The following SLC5A10 variants were observed in gnomAD, a reference collection of about 807,000 sequenced individuals.
SLC5A10 encodes the protein sodium/mannose cotransporter SLC5A10.
SLC5A10 carries 55 observed loss-of-function variants against 68.9 expected under a neutral mutation model. The observed-to-expected ratio is 0.80, with a 90% CI of 0.64 to 1.00. SLC5A10 has a LOEUF of 1.00. Among genes scored for constraint, SLC5A10 ranks in the 50% least tolerant of loss-of-function variants. The probability of loss-of-function intolerance (pLI) is 0.00; values close to 1 mark genes in which losing one functional copy is unlikely to be tolerated. For missense variants in SLC5A10, 732 were observed against 819.3 expected (o/e 0.89, Z 1.30); for synonymous variants, 344 against 344.8 (o/e 1.00, Z 0.02).
chr17:18,967,385 A>C (rs116404157), intron 5 of SLC5A10, among the ~76,000 whole-genome samples: 1,926 of 152,206 alleles, frequency 0.013, 35 homozygotes, highest in African/African-American at 0.043. Flanking sequence ...GCGAATGAAC[A>C]ATGTACTCGA....
chr17:19,016,530 T>G lies in SLC5A10; in HGVS notation c.1241+1331T>G, dbSNP rs577081624. On this transcript the variant is annotated intron_variant, in intron 11 of 14. Transcript: ENST00000395645. ...CCTGGCCAGGAGCCCAGGGCACCCATCCTGGGGGTGGGGTCTCCTCCAGAG... is the reference window on the plus strand; with the variant it reads ...CCTGGCCAGGAGCCCAGGGCACCCAGCCTGGGGGTGGGGTCTCCTCCAGAG... 1.7e-3 allele frequency among the ~76,000 whole-genome samples: 257 copies of G among 152,244 alleles called. 1 individual carries two copies. Among genetic ancestry groups the G allele is most frequent in the Non-Finnish European group, 1.9e-3 (126 of 67,992 alleles).
At chr17:19,013,268 C>A (rs2044054899) in intron 9 of SLC5A10, 142 bp from the exon 10 acceptor site, 5 of 1,379,392 alleles carry the variant, frequency 3.6e-6, no homozygotes, top group Non-Finnish European at 4.9e-6. Context: ...GATTGTGAAA[C>A]TGAGGCCCAA....
At chr17:18,956,456 T>A (rs1302691400) in intron 1 of SLC5A10, among the ~76,000 whole-genome samples, 2 of 149,326 alleles carry the variant, frequency 1.3e-5, no homozygotes, top group Non-Finnish European at 3.0e-5. Flanking sequence ...TTTTTTCTTT[T>A]TTCTTTCTGT....
intron 5 of SLC5A10, among the ~76,000 whole-genome samples, chr17:18,960,942 G>C (rs1402912628): frequency 2.6e-5 from 4 of 152,212 alleles, no homozygotes; most frequent in Middle Eastern, 3.4e-3. Flanking sequence ...GACGGTTCTC[G>C]GTCTGAGGTC....
At chr17:18,998,017 C>T (rs2043612043) in intron 9 of SLC5A10, among the ~76,000 whole-genome samples, 1 of 152,250 alleles carries the variant, frequency 6.6e-6, no homozygotes, top group South Asian at 2.1e-4. Context: ...AAAGATAACA[C>T]CAGAGCTGGG....
chr17:18,967,337 T>C (rs1353016507), intron 5 of SLC5A10, among the ~76,000 whole-genome samples: 1 of 151,692 alleles, frequency 6.6e-6, no homozygotes, highest in South Asian at 2.1e-4. Flanking sequence ...CCTGCCACCG[T>C]GGAAGGAAGG....
intron 8 of SLC5A10, among the ~76,000 whole-genome samples, chr17:18,974,081 C>T (rs1411829294): frequency 3.9e-5 from 6 of 152,008 alleles, no homozygotes; most frequent in East Asian, 1.9e-4. Context: ...TTAATAGAGA[C>T]GGGGTTTCAC....
intron 1 of SLC5A10, among the ~76,000 whole-genome samples, chr17:18,954,883 C>T (rs1272451526): frequency 2.6e-5 from 4 of 151,870 alleles, no homozygotes; most frequent in Non-Finnish European, 5.9e-5. Flanking sequence ...CCAGCCTGGC[C>T]AGCATGGTGA....
At chr17:18,998,073 C>T (rs1381211150) in intron 9 of SLC5A10, among the ~76,000 whole-genome samples, 2 of 152,240 alleles carry the variant, frequency 1.3e-5, no homozygotes, top group East Asian at 3.8e-4. Flanking sequence ...CTTCCCACCA[C>T]CCCACATGGC....
intron 8 of SLC5A10, among the ~76,000 whole-genome samples, chr17:18,974,180 C>T (rs971440385): frequency 1.6e-4 from 24 of 152,066 alleles, no homozygotes; most frequent in Non-Finnish European, 3.1e-4. Context: ...CATGAGCCAC[C>T]ATGCCCAGCC....
Position 19,004,173 on chromosome 17 carries a change from C to A in SLC5A10, c.983-9237C>A. On this transcript the variant is annotated intron_variant, in intron 9 of 14. Coordinates refer to ENST00000395645, the MANE Select transcript of SLC5A10 (RefSeq NM_001042450.4). The surrounding 1 kb of genome is among the most constrained non-coding windows in gnomAD (Gnocchi z 5.4). ...TGCTTCTCTGCCCATGAGCAATCTG[C>A]GGGAAAGACCTGATGAGCCCGGCTC... is the stretch of plus-strand genomic sequence containing the variant. The A allele has an allele frequency of 1.6e-6, 1 of 611,010 alleles. No individual in the cohort carries two copies. Among genetic ancestry groups the A allele is most frequent in the Non-Finnish European group, 2.3e-6 (1 of 426,680 alleles). The allele number at this position is 611,010 out of a possible 1,614,324, so 37.8% of individuals were successfully genotyped here. A position where few individuals can be genotyped will look rare whatever the true frequency, so the allele number is the denominator to read the frequency against.
chr17:18,973,884 GTTT>G (rs35778801), intron 8 of SLC5A10, among the ~76,000 whole-genome samples: 1 of 95,728 alleles, frequency 1.0e-5, no homozygotes, highest in African/African-American at 4.0e-5. Flanking sequence ...TTTTTTTTAA[GTTT>G]TTTTTTTTTT....
Position 19,020,547 on chromosome 17 carries a change from T to TGTG in SLC5A10, c.*116_*117insGTG. On this transcript the variant is annotated 3_prime_UTR_variant, in exon 15 of 15. Transcript: ENST00000395645. Reference sequence around the variant, plus strand: ...ATTCCCCTCACAGCTGCACAGCAGCTCGGTGCCCAAGAACTGGCCAAGCCA... The same window carrying TGTG: ...ATTCCCCTCACAGCTGCACAGCAGCTGTGCGGTGCCCAAGAACTGGCCAAGCCA... 9 of 982,778 alleles carry TGTG rather than the reference T, an allele frequency of 9.2e-6. No homozygotes were observed. The highest frequency in any genetic ancestry group is 1.3e-5 in the Non-Finnish European group (9 of 668,034). The allele number at this position is 982,778 out of a possible 1,614,324, so 60.9% of individuals were successfully genotyped here. A position where few individuals can be genotyped will look rare whatever the true frequency, so the allele number is the denominator to read the frequency against.
chr17:18,965,857 G>A lies in SLC5A10; in HGVS notation c.454-3195G>A, dbSNP rs541115342. On this transcript the variant is annotated intron_variant, in intron 5 of 14. Transcript: ENST00000395645. ...CAGGGTCAGCCAGCAGGAAGGGCAC[G>A]TCCTTGGGGCCCACCTCTTAGGACG... Among the ~76,000 whole-genome samples, 347 of 152,306 alleles carry A rather than the reference G, an allele frequency of 2.3e-3. 2 individuals are homozygous for A. Among genetic ancestry groups the A allele is most frequent in the African/African-American group, 8.0e-3 (331 of 41,570 alleles).
chr17:19,017,397 A>G lies in SLC5A10; in HGVS notation c.1242-2026A>G, dbSNP rs1455759174. 2 of 1,550,802 alleles carry G rather than the reference A, an allele frequency of 1.3e-6. No individual in the cohort carries two copies. The highest frequency in any genetic ancestry group is 1.4e-5 in the African/African-American group (1 of 73,000). Reference sequence around the variant, plus strand: ...GGCCTCGTGGTCATGGATCTCTGGTAGGGTGAATGGCCTGACAACAGTCTC... The same window carrying G: ...GGCCTCGTGGTCATGGATCTCTGGTGGGGTGAATGGCCTGACAACAGTCTC... On this transcript the variant is annotated intron_variant, in intron 11 of 14. Coordinates refer to ENST00000395645, the MANE Select transcript of SLC5A10 (RefSeq NM_001042450.4). This position sits in a 1 kb window ranked among gnomAD's most constrained non-coding sequence, Gnocchi z 5.6.
intron 10 of SLC5A10, among the ~76,000 whole-genome samples, 188 bp from the exon 11 acceptor site, chr17:19,014,861 G>T (rs542629459): frequency 1.3e-5 from 2 of 152,246 alleles, no homozygotes; most frequent in Admixed American, 1.3e-4. Context: ...TTTGTCCTTG[G>T]CCTCCCCAGT....
chr17:19,005,126 T>C (rs2043848094), intron 9 of SLC5A10, among the ~76,000 whole-genome samples: 1 of 151,880 alleles, frequency 6.6e-6, no homozygotes, highest in Non-Finnish European at 1.5e-5. Flanking sequence ...GCTGTATAGA[T>C]ACCCAGCTGT....
intron 5 of SLC5A10, among the ~76,000 whole-genome samples, chr17:18,963,634 C>A (rs146821626): frequency 1.4e-3 from 207 of 152,378 alleles, no homozygotes; most frequent in African/African-American, 4.9e-3. Context: ...CCCGGGAATG[C>A]CTCACATGTC....
rs1333246962 is a variant in SLC5A10, at chr17:18,982,681, C to G, written c.982+5692C>G. On this transcript the variant is annotated intron_variant, in intron 9 of 14. Coordinates refer to ENST00000395645, the MANE Select transcript of SLC5A10 (RefSeq NM_001042450.4). ...GGGGCAAACTACAGCAACCTGCCCC[C>G]AATCCCCCCAGGCCTCCAGGCCACA... Among the ~76,000 whole-genome samples, 7 of 152,190 alleles carry G rather than the reference C, an allele frequency of 4.6e-5. No homozygotes were observed. In the East Asian group the frequency reaches 9.7e-4, roughly 21 times the overall value.
Sources: allele counts gnomAD v4.1 joint callset (sites outside exome capture counted in the v4.1 genomes callset), GRCh38; gene constraint gnomAD v4.1.1; non-coding constraint Gnocchi (gnomAD v3.1); transcripts MANE v1.5; gene names NCBI Gene and HGNC (gene_info 2026-07-23, HGNC 2026-07-21).